Variants in SPG11 observed in about 807,000 individuals in gnomAD.
The protein encoded by SPG11 is SPG11 vesicle trafficking associated, spatacsin.
Under a neutral mutation model 274.0 loss-of-function variants are expected in SPG11, and 222 were observed. The observed-to-expected ratio is 0.81, with a 90% CI of 0.73 to 0.91. The LOEUF (loss-of-function observed/expected upper bound fraction) is 0.91, where lower values mean the gene tolerates loss of function less well. Among genes scored for constraint, SPG11 ranks in the 40% least tolerant of loss-of-function variants. The probability of loss-of-function intolerance (pLI) is 0.00; values close to 1 mark genes in which losing one functional copy is unlikely to be tolerated. For missense variants in SPG11, 3,114 were observed against 2,872.7 expected, an observed-to-expected ratio of 1.08 and a Z score of -1.92; for synonymous variants, 1,144 against 1,039.7, an observed-to-expected ratio of 1.10 and a Z score of -1.93.
At chr15:44,587,535 C>A (rs2082792883) in intron 28 of SPG11, among the ~76,000 whole-genome samples, 1 of 151,522 alleles carries the variant, frequency 6.6e-6, no homozygotes, top group African/African-American at 2.4e-5. Context: ...ATAAAAGATA[C>A]AAAAATTAGC....
At position 44,622,717 on chromosome 15, in the gene SPG11, C is replaced by A; in HGVS notation, c.2316+11G>T. 2 of 1,604,674 alleles carry A rather than the reference C, an allele frequency of 1.2e-6. No homozygotes were observed. The highest frequency in any genetic ancestry group is 1.7e-6 in the Non-Finnish European group (2 of 1,171,586). On this transcript the variant is annotated intron_variant, in intron 12 of 39. Transcript: ENST00000261866. ...AGAAAATGTATACTATGTAGTCTCA[C>A]CTTTACCTACCAAAAAGTCACGTAT...
intron 23 of SPG11, among the ~76,000 whole-genome samples, chr15:44,597,669 C>G (rs528175528): frequency 1.3e-5 from 2 of 152,256 alleles, no homozygotes; most frequent in South Asian, 4.1e-4. Context: ...CTGCTGCAAG[C>G]AGGATTCTGC....
chr15:44,645,445 T>A (rs767066181), intron 7 of SPG11, among the ~76,000 whole-genome samples: 1 of 152,172 alleles, frequency 6.6e-6, no homozygotes, highest in Non-Finnish European at 1.5e-5. Context: ...ACCCCTTTCT[T>A]ATACCACATA....
intron 7 of SPG11, among the ~76,000 whole-genome samples, chr15:44,642,350 G>GT (rs1283771801): frequency 2.6e-5 from 3 of 115,880 alleles, no homozygotes; most frequent in Admixed American, 1.0e-4. Flanking sequence ...GGGTGACAGA[G>GT]TAAGACTCCA....
At chr15:44,646,046 C>T (rs893776783) in intron 7 of SPG11, among the ~76,000 whole-genome samples, 6 of 152,134 alleles carry the variant, frequency 3.9e-5, no homozygotes, top group African/African-American at 1.4e-4. Context: ...TGTAAATTAG[C>T]TCAGCCAATG....
rs754000142 is a variant in SPG11, at chr15:44,625,462, G to A, written c.2244+869C>T. 3.0e-4 allele frequency among the ~76,000 whole-genome samples: 46 copies of A among 152,068 alleles called. 1 individual carries two copies. Among genetic ancestry groups the A allele is most frequent in the Non-Finnish European group, 6.3e-4 (43 of 68,008 alleles). On this transcript the variant is annotated intron_variant, in intron 11 of 39. Transcript: ENST00000261866. ...TTTGTGATAGGAAGTAAGTTCTCAC[G>A]ATATCTGGTTGTTTAAAAGTGTGTA...
chr15:44,654,702 G>T (rs886371370), intron 4 of SPG11, among the ~76,000 whole-genome samples: 3 of 151,980 alleles, frequency 2.0e-5, no homozygotes, highest in African/African-American at 4.8e-5. Context: ...TTAGCCAGGC[G>T]TGGGTGGTGG....
chr15:44,625,180 G>A (rs2141035131), intron 11 of SPG11, among the ~76,000 whole-genome samples: 1 of 150,962 alleles, frequency 6.6e-6, no homozygotes, highest in African/African-American at 2.4e-5. Context: ...ATTTCTCAGT[G>A]TTATTTCTCT....
rs567807393 is a variant in SPG11, at chr15:44,616,829, C to T, written c.2835-1263G>A. Among the ~76,000 whole-genome samples the T allele has an allele frequency of 2.0e-5, 3 of 152,294 alleles. No individual in the cohort carries two copies. The South Asian group carries it at 6.2e-4, about 32-fold the overall frequency. Reference sequence around the variant, plus strand: ...CTTTACAAGGGGTATCTAGAAAAATCCTTCTAGCCAACATCATATTTATTA... The same window carrying T: ...CTTTACAAGGGGTATCTAGAAAAATTCTTCTAGCCAACATCATATTTATTA... On this transcript the variant is annotated intron_variant, in intron 15 of 39. Transcript: ENST00000261866.
chr15:44,610,289 G>A (rs1055614438), intron 18 of SPG11, among the ~76,000 whole-genome samples: 1 of 151,954 alleles, frequency 6.6e-6, no homozygotes, highest in Non-Finnish European at 1.5e-5. Context: ...CTGTACTCAA[G>A]TGATCCACCC....
Position 44,596,226 on chromosome 15 carries a change from G to GT in SPG11, c.4290dup (p.Leu1431ThrfsTer13), listed in dbSNP as rs2140972000. 1.2e-6 allele frequency: 2 copies of GT among 1,614,134 alleles called. No homozygotes were observed. Among genetic ancestry groups the GT allele is most frequent in the Non-Finnish European group, 1.7e-6 (2 of 1,180,006 alleles). On this transcript the variant is annotated frameshift_variant, in exon 25 of 40. Transcript: ENST00000261866. LOFTEE classifies it high-confidence loss of function. ...GTCATCTCTTGTTTGCTTCCTTGAA[G>GT]TTCCTGGGGGCACTTATTGCAGACT... is the stretch of plus-strand genomic sequence containing the variant.
At chr15:44,647,901 T>C (rs2084652092) in intron 7 of SPG11, among the ~76,000 whole-genome samples, 1 of 152,162 alleles carries the variant, frequency 6.6e-6, no homozygotes, top group South Asian at 2.1e-4. Flanking sequence ...ATTTTATGGG[T>C]ATGTGATTTA....
At position 44,595,369 on chromosome 15, in the gene SPG11, A is replaced by G; in HGVS notation, c.4525T>C (p.Ser1509Pro). Residue 1509 changes from serine to proline, a missense_variant, in exon 26 of 40, where the codon TCA becomes CCA. Ser to Pro is a moderately conservative substitution (Grantham distance 74). Coordinates refer to ENST00000261866, the MANE Select transcript of SPG11 (RefSeq NM_025137.4). ...ATEAMGHIQD[S>P]TEDHTWNLED... ...AGGTTCCAGGTATGGTCCTCTGTTGAGTCCTGAATGTGTCCCATTGCTTCA... is the reference window on the plus strand; with the variant it reads ...AGGTTCCAGGTATGGTCCTCTGTTGGGTCCTGAATGTGTCCCATTGCTTCA... 1 of 1,614,218 alleles carries G rather than the reference A, an allele frequency of 6.2e-7. No homozygotes were observed. The highest frequency in any genetic ancestry group is 8.5e-7 in the Non-Finnish European group (1 of 1,180,042).
Position 44,620,403 on chromosome 15 carries a change from T to G in SPG11, c.2621A>C (p.Glu874Ala), listed in dbSNP as rs2083709845. The change falls in exon 15 of 40, where the codon GAA becomes GCA. Residue 874 changes from glutamate to alanine, a missense_variant and splice_region_variant. Physicochemically the swap from Glu to Ala is moderately radical, Grantham distance 107 (BLOSUM62 -1). Transcript: ENST00000261866. ...SILLPRISPE[E>A]YKSYSPEALW... ...GGCTTCAGGGGAATATGATTTGTAT[T>G]CTACATGAAAAAAAACACATTTTAA... The G allele has an allele frequency of 6.2e-7, 1 of 1,607,184 alleles. No homozygotes were observed. The highest frequency in any genetic ancestry group is 8.5e-7 in the Non-Finnish European group (1 of 1,175,112).
At chr15:44,635,970 A>G (rs898704416) in intron 7 of SPG11, among the ~76,000 whole-genome samples, 12 of 152,170 alleles carry the variant, frequency 7.9e-5, no homozygotes, top group South Asian at 2.1e-4. Context: ...AGCAGTGTGC[A>G]TAAGAATCAC....
At chr15:44,641,185 C>G (rs1445339715) in intron 7 of SPG11, among the ~76,000 whole-genome samples, 2 of 151,994 alleles carry the variant, frequency 1.3e-5, no homozygotes, top group African/African-American at 2.4e-5. Flanking sequence ...ATCCCAGCTA[C>G]TTAGAAGGCT....
chr15:44,633,000 A>G (rs1341935674), intron 8 of SPG11, among the ~76,000 whole-genome samples: 2 of 152,162 alleles, frequency 1.3e-5, no homozygotes, highest in Non-Finnish European at 2.9e-5. Context: ...ATGAGCAATA[A>G]ATACCCCACA....
intron 10 of SPG11, 67 bp from the exon 11 acceptor site, chr15:44,626,574 G>T (rs2083905767): frequency 6.7e-7 from 1 of 1,485,790 alleles, no homozygotes; most frequent in South Asian, 1.2e-5. Flanking sequence ...ATCAACATGG[G>T]ATTATACATT....
chr15:44,606,934 A>G (rs2083336280), intron 19 of SPG11, among the ~76,000 whole-genome samples: 2 of 152,212 alleles, frequency 1.3e-5, no homozygotes, highest in South Asian at 4.1e-4. Context: ...AAAAAACAAG[A>G]CACAGGGGCA....
Sources: allele counts gnomAD v4.1 joint callset (sites outside exome capture counted in the v4.1 genomes callset), GRCh38; gene constraint gnomAD v4.1.1; transcripts MANE v1.5; gene names NCBI Gene and HGNC (gene_info 2026-07-23, HGNC 2026-07-21).